ERBB4: variants seen among roughly 807,000 people sequenced by gnomAD.
ERBB4 encodes erb-b2 receptor tyrosine kinase 4, also known as receptor tyrosine-protein kinase erbB-4.
Under a neutral mutation model 158.0 loss-of-function variants are expected in ERBB4, and 42 were observed. The ratio of observed to expected loss-of-function variants is 0.27; its 90% confidence interval spans 0.21 to 0.34. The LOEUF (loss-of-function observed/expected upper bound fraction) is 0.34. ERBB4 is among the 10% of genes least tolerant of loss of function. The pLI is 1.00. For synonymous variants in ERBB4, 583 were observed against 558.7 expected, an observed-to-expected ratio of 1.04 and a Z score of -0.61; for missense variants, 1,333 against 1,624.1, an observed-to-expected ratio of 0.82 and a Z score of 3.08.
chr2:212,007,571 C>T (rs1042250224), intron 2 of ERBB4, among the ~76,000 whole-genome samples: 8 of 151,900 alleles, frequency 5.3e-5, no homozygotes, highest in Admixed American at 5.2e-4. Context: ...ATCCTATAAT[C>T]CTTTGCATTT....
At chr2:211,630,384 A>C in intron 17 of ERBB4, 78 bp downstream of exon 17, 1 of 1,549,622 alleles carries the variant, frequency 6.5e-7, no homozygotes, top group Non-Finnish European at 8.9e-7. Context: ...ACTTGGATTA[A>C]ATAATTGAAC....
intron 22 of ERBB4, among the ~76,000 whole-genome samples, chr2:211,425,096 T>G (rs988890809): frequency 6.6e-6 from 1 of 152,138 alleles, no homozygotes; most frequent in African/African-American, 2.4e-5. Flanking sequence ...TTTTTTGTAA[T>G]GTAATGATTA....
chr2:212,172,513 C>A (rs1447554307), intron 1 of ERBB4, among the ~76,000 whole-genome samples: 1 of 152,050 alleles, frequency 6.6e-6, no homozygotes, highest in Non-Finnish European at 1.5e-5. Flanking sequence ...TGGAATCAAC[C>A]CACATTTCCA....
At chr2:211,511,023 T>C (rs2065871477) in intron 20 of ERBB4, among the ~76,000 whole-genome samples, 1 of 151,942 alleles carries the variant, frequency 6.6e-6, no homozygotes, top group South Asian at 2.1e-4. Context: ...CAAGGGATTA[T>C]GAAAAAACAA....
chr2:212,295,975 T>A (rs1197068052), intron 1 of ERBB4, among the ~76,000 whole-genome samples: 1 of 152,038 alleles, frequency 6.6e-6, no homozygotes, highest in African/African-American at 2.4e-5. Flanking sequence ...TTTGTTGTTT[T>A]ATTTTTGTTT....
At chr2:212,145,792 G>C (rs182294820) in intron 1 of ERBB4, among the ~76,000 whole-genome samples, 1 of 148,342 alleles carries the variant, frequency 6.7e-6, no homozygotes, top group Non-Finnish European at 1.5e-5. Flanking sequence ...CATCCTTATC[G>C]TCTTATTTTT....
chr2:212,196,984 A>G (rs1405518124), intron 1 of ERBB4, among the ~76,000 whole-genome samples: 1 of 152,124 alleles, frequency 6.6e-6, no homozygotes, highest in African/African-American at 2.4e-5. Context: ...TAATTCTCCC[A>G]TAGAACTGAT....
chr2:212,330,799 G>C (rs904976359), intron 1 of ERBB4, among the ~76,000 whole-genome samples: 1 of 151,370 alleles, frequency 6.6e-6, no homozygotes, highest in Non-Finnish European at 1.5e-5. Flanking sequence ...TTTTAGACAT[G>C]GTTCCTAATG....
intron 8 of ERBB4, among the ~76,000 whole-genome samples, chr2:211,713,178 T>C (rs182801954): frequency 2.6e-5 from 4 of 152,294 alleles, no homozygotes; most frequent in African/African-American, 7.2e-5. Flanking sequence ...ATTTTGTATA[T>C]AGTGGCAAGC....
intron 3 of ERBB4, among the ~76,000 whole-genome samples, chr2:211,875,406 T>A (rs570110734): frequency 6.6e-6 from 1 of 152,184 alleles, no homozygotes; most frequent in African/African-American, 2.4e-5. Flanking sequence ...CCCACTTAGA[T>A]GCATTCCTTT....
intron 1 of ERBB4, among the ~76,000 whole-genome samples, chr2:212,208,346 C>T (rs1160464813): frequency 1.3e-5 from 2 of 152,080 alleles, no homozygotes; most frequent in East Asian, 3.9e-4. Flanking sequence ...CCATATCCTT[C>T]TTTTCTCATT....
chr2:212,419,350 T>A (rs1346255645), intron 1 of ERBB4, among the ~76,000 whole-genome samples: 2 of 151,890 alleles, frequency 1.3e-5, no homozygotes, highest in African/African-American at 4.8e-5. Flanking sequence ...ACATATTAAA[T>A]AGGAAAATTT....
chr2:211,988,315 T>C (rs144901267), intron 2 of ERBB4, among the ~76,000 whole-genome samples: 58 of 152,196 alleles, frequency 3.8e-4, no homozygotes, highest in African/African-American at 1.2e-3. Flanking sequence ...TCTTGGGCAG[T>C]TGGATTCTCT....
intron 1 of ERBB4, among the ~76,000 whole-genome samples, chr2:212,225,405 T>C (rs1407786776): frequency 6.6e-6 from 1 of 152,122 alleles, no homozygotes; most frequent in African/African-American, 2.4e-5. Context: ...GAATAAATTT[T>C]CTGGCTAGAA....
Position 212,422,966 on chromosome 2 carries a change from A to T in ERBB4, c.82+115483T>A, listed in dbSNP as rs2091829806. On this transcript the variant is annotated intron_variant, in intron 1 of 27. Coordinates refer to ENST00000342788, the MANE Select transcript of ERBB4 (RefSeq NM_005235.3). ...TGGTTAATATTATGTGAAATACCAC[A>T]GAGTACAATAGCTTTAAAGAATTTT... is the stretch of plus-strand genomic sequence containing the variant. 2.6e-5 allele frequency among the ~76,000 whole-genome samples: 4 copies of T among 152,212 alleles called. No individual in the cohort carries two copies. The South Asian group carries it at 8.3e-4, about 31-fold the overall frequency.
At chr2:212,271,640 G>A (rs2085347233) in intron 1 of ERBB4, among the ~76,000 whole-genome samples, 1 of 151,740 alleles carries the variant, frequency 6.6e-6, no homozygotes, top group South Asian at 2.1e-4. Context: ...AATTGTCAAT[G>A]TATCTTTCTT....
intron 20 of ERBB4, among the ~76,000 whole-genome samples, chr2:211,529,539 C>A (rs1489433454): frequency 1.3e-5 from 2 of 151,984 alleles, no homozygotes; most frequent in Admixed American, 1.3e-4. Flanking sequence ...CAGACAGACA[C>A]ATCGAAAAAG....
chr2:212,121,838 T>C (rs1046858162), intron 2 of ERBB4, among the ~76,000 whole-genome samples: 1 of 152,140 alleles, frequency 6.6e-6, no homozygotes. Flanking sequence ...ACTACTCCCA[T>C]TGAAATGCCC....
chr2:211,810,519 CG>C (rs2076725689), intron 3 of ERBB4, among the ~76,000 whole-genome samples: 1 of 151,926 alleles, frequency 6.6e-6, no homozygotes, highest in Non-Finnish European at 1.5e-5. Context: ...CAACCCCGGC[CG>C]TTTTTTTGCT....
Sources: allele counts gnomAD v4.1 joint callset (sites outside exome capture counted in the v4.1 genomes callset), GRCh38; gene constraint gnomAD v4.1.1; transcripts MANE v1.5; gene names NCBI Gene and HGNC (gene_info 2026-07-23, HGNC 2026-07-21).